Variants in SNX19 observed in about 807,000 individuals in gnomAD.
SNX19 encodes sorting nexin-19.
Under a neutral mutation model 85.2 loss-of-function variants are expected in SNX19, and 60 were observed. The observed-to-expected ratio is 0.70, with a 90% confidence interval of 0.57 to 0.87. The LOEUF (loss-of-function observed/expected upper bound fraction) is 0.87, where lower values mean the gene tolerates loss of function less well. Among genes scored for constraint, SNX19 ranks in the 40% least tolerant of loss-of-function variants. The pLI, the probability that SNX19 is intolerant of heterozygous loss-of-function variation, is 0.00. For synonymous variants in SNX19, 520 were observed against 470.0 expected (o/e 1.11, Z -1.38); for missense variants, 1,201 against 1,217.8 (o/e 0.99, Z 0.21).
intron 1 of SNX19, among the ~76,000 whole-genome samples, chr11:130,912,838 A>G (rs746844769): frequency 1.3e-5 from 2 of 152,188 alleles, no homozygotes; most frequent in South Asian, 2.1e-4. Context: ...TCGAGGGCCA[A>G]TTTTCAACAC....
rs73024823 is a variant in SNX19 at position 130,874,031 on chromosome 11, T to A, written c.*4391A>T. 1.5e-4 allele frequency among the ~76,000 whole-genome samples: 8 copies of A among 52,464 alleles called. No homozygotes were observed. The highest frequency in any genetic ancestry group is 2.7e-4 in the Non-Finnish European group (6 of 22,318). 34.4% of individuals were successfully genotyped at this position (52,464 alleles called of 152,430 possible). A position where few individuals can be genotyped will look rare whatever the true frequency, so the allele number is the denominator to read the frequency against. ...TGAGTCATAAGAGGTTTTTTGTTTTTTTTTTTTTTATTTGGGGTCTCACTC... is the reference window on the plus strand; with the variant it reads ...TGAGTCATAAGAGGTTTTTTGTTTTATTTTTTTTTATTTGGGGTCTCACTC... On this transcript the variant is annotated 3_prime_UTR_variant, in exon 11 of 11. Coordinates refer to ENST00000265909, the MANE Select transcript of SNX19 (RefSeq NM_014758.3).
At chr11:130,914,239 G>T in intron 1 of SNX19, 27 bp downstream of exon 1, 1 of 1,512,312 alleles carries the variant, frequency 6.6e-7, no homozygotes, top group South Asian at 1.3e-5. Flanking sequence ...TAGCCCGGGT[G>T]AGCACCCACA....
chr11:130,901,058 A>G (rs1211025598), intron 8 of SNX19, among the ~76,000 whole-genome samples: 1 of 152,212 alleles, frequency 6.6e-6, no homozygotes, highest in Non-Finnish European at 1.5e-5. Flanking sequence ...CAAGCTTGGT[A>G]ACACTGATAT....
At chr11:130,909,212 T>C (rs534698481) in intron 4 of SNX19, among the ~76,000 whole-genome samples, 1 of 152,346 alleles carries the variant, frequency 6.6e-6, no homozygotes, top group Non-Finnish European at 1.5e-5. Flanking sequence ...AAATAATGGA[T>C]GAATGATATC....
At position 130,906,004 on chromosome 11, in the gene SNX19, A is replaced by C. The variant is rs1945637819; in HGVS notation, c.2392T>G (p.Cys798Gly). The C allele has an allele frequency of 6.2e-7, 1 of 1,614,200 alleles. No individual in the cohort carries two copies. Among genetic ancestry groups the C allele is most frequent in the East Asian group, 2.2e-5 (1 of 44,874 alleles). Residue 798 changes from cysteine (C) to glycine (G), a missense_variant, in exon 7 of 11, where the codon TGC becomes GGC. Physicochemically the swap from Cys to Gly is radical, Grantham distance 159. This residue lies in a region of SNX19 where 285 missense variants were observed against 295.3 expected (regional missense o/e 0.97). Transcript: ENST00000265909. ...EQPPKGRVDS[C>G]VSDAAVPAQD... is the part of the protein sequence containing the mutation. ...GCTGGCACGGCTGCATCTGACACGC[A>C]ACTGTCCACACGTCCTTTGGGAGGT...
At chr11:130,883,167 C>T (rs763429708) in intron 8 of SNX19, among the ~76,000 whole-genome samples, 1 of 152,050 alleles carries the variant, frequency 6.6e-6, no homozygotes. Flanking sequence ...TAAACTTATA[C>T]AAATCTATAA....
In SNX19 at chr11:130,879,634, G is replaced by C. The variant is rs199592034; in HGVS notation, c.2836C>G (p.Leu946Val). The change falls in exon 10 of 11, where the codon CTC (leucine) becomes GTC (valine). Residue 946 changes from leucine to valine, a missense_variant. Around this residue, in one of 3 missense-constraint regions of SNX19, gnomAD observed 285 missense variants for 295.3 expected, o/e 0.97. Coordinates refer to ENST00000265909, the MANE Select transcript of SNX19 (RefSeq NM_014758.3). ...GLVLESLQQPLINRHLIYCLG... is the reference protein window; with the variant it reads ...GLVLESLQQPVINRHLIYCLG... ...CATTTTCCCACTTACCTGTTGATGA[G>C]GGGTTGTTGTAGTGACTCCAGGACT... The C allele has an allele frequency of 9.7e-5, 157 of 1,613,870 alleles. No individual in the cohort carries two copies. The highest frequency in any genetic ancestry group is 4.9e-4 in the Middle Eastern group (3 of 6,062).
Position 130,915,976 on chromosome 11 carries a change from C to T in SNX19, c.-37G>A, listed in dbSNP as rs567606054. The T allele has an allele frequency of 6.4e-7, 1 of 1,569,492 alleles. No individual in the cohort carries two copies. The highest frequency in any genetic ancestry group is 2.3e-5 in the East Asian group (1 of 43,768). On this transcript the variant is annotated 5_prime_UTR_variant, in exon 1 of 11. Transcript: ENST00000265909. ...CAAGGTGGCTTCCCCAGATGACAGC[C>T]CTCAAGATTTTACTTCAGAGTTAGG...
rs968575110 is a variant in SNX19, at chr11:130,869,658, T to C, written c.*8764A>G. The C allele has an allele frequency of 6.6e-6, 1 of 152,190 alleles. No individual in the cohort carries two copies. The highest frequency in any genetic ancestry group is 1.5e-5 in the Non-Finnish European group (1 of 68,036). The allele number at this position is 152,190 out of a possible 1,614,324, so 9.4% of individuals were successfully genotyped here. ...TGGCTAAACTTTCTAGTTGTGTGAA[T>C]AGTTTGCAACATATAAAGAATTGGT... is the stretch of plus-strand genomic sequence containing the variant. On this transcript the variant is annotated 3_prime_UTR_variant, in exon 11 of 11. Coordinates refer to ENST00000265909, the MANE Select transcript of SNX19 (RefSeq NM_014758.3).
rs1414030001 is a variant in SNX19, at chr11:130,869,600, T to G, written c.*8822A>C. Reference sequence around the variant, plus strand: ...TCACTAAACTTTCTGAGTCTCAGAATCTGGGACTTAAAATCAGGGGAAGAG... The same window carrying G: ...TCACTAAACTTTCTGAGTCTCAGAAGCTGGGACTTAAAATCAGGGGAAGAG... On this transcript the variant is annotated 3_prime_UTR_variant, in exon 11 of 11. Coordinates refer to ENST00000265909, the MANE Select transcript of SNX19 (RefSeq NM_014758.3). 3 of 152,222 alleles carry G rather than the reference T, an allele frequency of 2.0e-5. No homozygotes were observed. Among genetic ancestry groups the G allele is most frequent in the Non-Finnish European group, 4.4e-5 (3 of 68,032 alleles). 9.4% of individuals were successfully genotyped at this position (152,222 alleles called of 1,614,324 possible).
At position 130,898,570 on chromosome 11, in the gene SNX19, T is replaced by C. The variant is rs539051745; in HGVS notation, c.2573+4685A>G. Among the ~76,000 whole-genome samples the C allele has an allele frequency of 2.0e-5, 3 of 152,168 alleles. No homozygotes were observed. In the South Asian group the frequency reaches 6.2e-4, roughly 32 times the overall value. ...CATGTAGCCTCCTAGGCAGCAGTCA[T>C]GGGGATGGGAGGCAACGGGACCTCA... On this transcript the variant is annotated intron_variant, in intron 8 of 10. Coordinates refer to ENST00000265909, the MANE Select transcript of SNX19 (RefSeq NM_014758.3).
In SNX19 at chr11:130,905,028, G is replaced by C. The variant is rs144577702; in HGVS notation, c.2443+925C>G. 6.0e-4 allele frequency among the ~76,000 whole-genome samples: 92 copies of C among 152,304 alleles called. 1 individual carries two copies. The highest frequency in any genetic ancestry group is 1.2e-3 in the African/African-American group (48 of 41,562). ...GTTCATGGGCACCTCAGAAAGAATA[G>C]TGAAATCAGCTTTTTCCCCAGTTTT... On this transcript the variant is annotated intron_variant, in intron 7 of 10. Transcript: ENST00000265909.
At chr11:130,884,401 A>G (rs974387940) in intron 8 of SNX19, among the ~76,000 whole-genome samples, 6 of 149,224 alleles carry the variant, frequency 4.0e-5, no homozygotes, top group Admixed American at 1.3e-4. Flanking sequence ...AACCCTATAG[A>G]GCTCTCTTTA....
rs539899233 is a variant in SNX19, at chr11:130,892,667, T to C, written c.2573+10588A>G. 3.9e-5 allele frequency: 6 copies of C among 152,232 alleles called. No homozygotes were observed. In the East Asian group the frequency reaches 5.8e-4, roughly 15 times the overall value. The allele number at this position is 152,232 out of a possible 1,614,324, so 9.4% of individuals were successfully genotyped here. A position where few individuals can be genotyped will look rare whatever the true frequency, so the allele number is the denominator to read the frequency against. ...ATTTGGTACTGAGCAGTTAAGAAAA[T>C]TGGGACGAGGCCTCAGGGGGTTTTG... On this transcript the variant is annotated intron_variant, in intron 8 of 10. Transcript: ENST00000265909.
At chr11:130,906,279 T>A in intron 6 of SNX19, 146 bp from the exon 7 acceptor site, 2 of 859,648 alleles carry the variant, frequency 2.3e-6, no homozygotes, top group Non-Finnish European at 3.5e-6. Flanking sequence ...GGAAAGATTT[T>A]ATTTTTTACC....
intron 8 of SNX19, chr11:130,893,960 TCAAAAGTAAGCAATAA>T (rs1335459080): frequency 3.3e-6 from 2 of 600,202 alleles, no homozygotes; most frequent in Non-Finnish European, 6.0e-6. Flanking sequence ...GAGGTAAAGA[TCAAAAGTAAGCAATAA>T]CATATGGTTG....
Position 130,915,194 on chromosome 11 carries a change from G to C in SNX19, c.746C>G (p.Pro249Arg). The C allele has an allele frequency of 1.2e-6, 2 of 1,614,242 alleles. No homozygotes were observed. The highest frequency in any genetic ancestry group is 1.1e-5 in the South Asian group (1 of 91,086). ...VELITCNVILPLISRLSDPDW... is the reference protein window; with the variant it reads ...VELITCNVILRLISRLSDPDW... Reference sequence around the variant, plus strand: ...AGGATCTGACAGCCTGCTGATCAGTGGTAAGATTACATTGCATGTGATGAG... The same window carrying C: ...AGGATCTGACAGCCTGCTGATCAGTCGTAAGATTACATTGCATGTGATGAG... Residue 249 changes from proline to arginine, a missense_variant, in exon 1 of 11, where the codon CCA becomes CGA. Transcript: ENST00000265909.
rs1943298508 is a variant in SNX19, at chr11:130,877,079, T to TCTAA, written c.*1339_*1342dup. ...TGACACCCCATTGCCTTCTCATCAG[T>TCTAA]CTAACTCCAAGACCTTCCTCCGAGT... On this transcript the variant is annotated 3_prime_UTR_variant, in exon 11 of 11. Coordinates refer to ENST00000265909, the MANE Select transcript of SNX19 (RefSeq NM_014758.3). The TCTAA allele has an allele frequency of 6.6e-6, 1 of 152,256 alleles. No homozygotes were observed. Among genetic ancestry groups the TCTAA allele is most frequent in the South Asian group, 2.1e-4 (1 of 4,836 alleles). 9.4% of individuals were successfully genotyped at this position (152,256 alleles called of 1,614,324 possible).
intron 8 of SNX19, among the ~76,000 whole-genome samples, chr11:130,887,257 G>A (rs1944153987): frequency 6.6e-6 from 1 of 152,132 alleles, no homozygotes; most frequent in Admixed American, 6.5e-5. Context: ...AAAATGGAAG[G>A]ATTCTTAAGG....
Sources: gnomAD v4.1 joint callset for allele counts (sites outside exome capture counted in the v4.1 genomes callset) on GRCh38, gnomAD v4.1.1 for gene constraint, gnomAD v4.1.1 regional missense constraint, MANE v1.5 for transcripts, NCBI Gene and HGNC (gene_info 2026-07-23, HGNC 2026-07-21) for gene names.